SNAPC1: variants seen among roughly 807,000 people sequenced by gnomAD.
The protein encoded by SNAPC1 is snRNA-activating protein complex subunit 1.
A neutral mutation model predicts 50.1 loss-of-function variants in SNAPC1; 42 were observed. That is an observed-to-expected ratio of 0.84 (90% CI 0.65 to 1.08). The LOEUF (loss-of-function observed/expected upper bound fraction) is 1.08. SNAPC1 is among the 50% of genes least tolerant of loss of function. SNAPC1 has a pLI of 0.00. For missense variants in SNAPC1, 477 were observed against 427.3 expected, an observed-to-expected ratio of 1.12 and a Z score of -1.02; for synonymous variants, 164 against 144.2, an observed-to-expected ratio of 1.14 and a Z score of -0.98.
rs397740356 is a variant in SNAPC1 at position 61,796,318 on chromosome 14, C to CAA, written c.*1348_*1349dup. 3.0e-4 allele frequency: 39 copies of CAA among 128,062 alleles called. No individual in the cohort carries two copies. Among genetic ancestry groups the CAA allele is most frequent in the South Asian group, 1.0e-3 (4 of 3,952 alleles). The allele number at this position is 128,062 out of a possible 1,614,324, so 7.9% of individuals were successfully genotyped here. A position where few individuals can be genotyped will look rare whatever the true frequency, so the allele number is the denominator to read the frequency against. ...TGGGCAACAGAGTGAGACTTCGTCTCAAAAAAAAAAAAAAGTTTGGGTTGA... is the reference window on the plus strand; with the variant it reads ...TGGGCAACAGAGTGAGACTTCGTCTCAAAAAAAAAAAAAAAAGTTTGGGTTGA... On this transcript the variant is annotated 3_prime_UTR_variant, in exon 10 of 10. Transcript: ENST00000216294.
chr14:61,763,386 T>A (rs1038278032), intron 1 of SNAPC1, among the ~76,000 whole-genome samples: 1 of 152,240 alleles, frequency 6.6e-6, no homozygotes, highest in South Asian at 2.1e-4. Context: ...ACGCTTGAAT[T>A]CTCTGACTTG....
rs2044910026 is a variant in SNAPC1 at position 61,762,420 on chromosome 14, A to AGAGGCGTGCGGGCTTGG, written c.-26_-25insGGGAGGCGTGCGGGCTT. On this transcript the variant is annotated 5_prime_UTR_variant, in exon 1 of 10. Coordinates refer to ENST00000216294, the MANE Select transcript of SNAPC1 (RefSeq NM_003082.4). The stretch of plus-strand genomic sequence containing the variant: ...GGCGACCACCGCTGGCTAGTCCGTT[A>AGAGGCGTGCGGGCTTGG]GAGGCGTGCGGGCTTCGGAGGCGTG... 1 of 1,382,478 alleles carries AGAGGCGTGCGGGCTTGG rather than the reference A, an allele frequency of 7.2e-7. No homozygotes were observed. Among genetic ancestry groups the AGAGGCGTGCGGGCTTGG allele is most frequent in the Admixed American group, 2.0e-5 (1 of 48,964 alleles). 85.6% of individuals were successfully genotyped at this position (1,382,478 alleles called of 1,614,324 possible). A position where few individuals can be genotyped will look rare whatever the true frequency, so the allele number is the denominator to read the frequency against.
chr14:61,769,175 T>C (rs886717429), intron 4 of SNAPC1, among the ~76,000 whole-genome samples: 1 of 151,884 alleles, frequency 6.6e-6, no homozygotes, highest in African/African-American at 2.4e-5. Flanking sequence ...CTGGCCAATA[T>C]GGTGAAATCC....
At chr14:61,792,318 G>C (rs895383200) in intron 8 of SNAPC1, among the ~76,000 whole-genome samples, 1 of 152,142 alleles carries the variant, frequency 6.6e-6, no homozygotes, top group Non-Finnish European at 1.5e-5. Flanking sequence ...AACCTCTAGT[G>C]TTTTTGAAAA....
chr14:61,782,649 C>T (rs2045084813), intron 8 of SNAPC1, among the ~76,000 whole-genome samples: 1 of 152,172 alleles, frequency 6.6e-6, no homozygotes, highest in South Asian at 2.1e-4. Flanking sequence ...ATGGCTCATG[C>T]CTGTAATCCC....
intron 7 of SNAPC1, among the ~76,000 whole-genome samples, chr14:61,781,177 C>T (rs899961001): frequency 2.0e-5 from 3 of 151,958 alleles, no homozygotes; most frequent in Admixed American, 6.6e-5. Context: ...TGGCCGGGTG[C>T]GGTGGCTCAT....
intron 4 of SNAPC1, among the ~76,000 whole-genome samples, chr14:61,769,746 G>C (rs1475732342): frequency 6.6e-6 from 1 of 152,132 alleles, no homozygotes; most frequent in East Asian, 1.9e-4. Flanking sequence ...TGAAAACAGT[G>C]AGTCTATTTT....
chr14:61,770,480 G>A (rs1042150930), intron 4 of SNAPC1, among the ~76,000 whole-genome samples: 2 of 152,208 alleles, frequency 1.3e-5, no homozygotes, highest in South Asian at 2.1e-4. Flanking sequence ...CTGGCCTCAA[G>A]CGATCTGCCT....
At chr14:61,770,481 C>G (rs903260030) in intron 4 of SNAPC1, among the ~76,000 whole-genome samples, 1 of 151,966 alleles carries the variant, frequency 6.6e-6, no homozygotes, top group African/African-American at 2.4e-5. Flanking sequence ...TGGCCTCAAG[C>G]GATCTGCCTG....
chr14:61,779,896 TG>T (rs1343517348), intron 7 of SNAPC1, among the ~76,000 whole-genome samples: 1 of 151,992 alleles, frequency 6.6e-6, no homozygotes, highest in Non-Finnish European at 1.5e-5. Flanking sequence ...TTAGTAGAGT[TG>T]GGGGTTTCTC....
Position 61,778,109 on chromosome 14 carries a change from A to T in SNAPC1, c.731A>T (p.Glu244Val). ...SLKSKTNDGE[E>V]KMEGNSQETE... ...AAGTCAAAAACTAATGATGGAGAAG[A>T]AAAAATGGAAGGAAATTCACAAGAA... The change falls in exon 6 of 10, where the codon GAA (glutamate) becomes GTA (valine). Residue 244 changes from glutamate (E) to valine (V), a missense_variant. Transcript: ENST00000216294. 1 of 1,604,526 alleles carries T rather than the reference A, an allele frequency of 6.2e-7. No individual in the cohort carries two copies. The highest frequency in any genetic ancestry group is 1.1e-5 in the South Asian group (1 of 89,334).
At chr14:61,778,636 T>A (rs1188723239) in intron 6 of SNAPC1, among the ~76,000 whole-genome samples, 1 of 152,218 alleles carries the variant, frequency 6.6e-6, no homozygotes, top group Non-Finnish European at 1.5e-5. Flanking sequence ...GATCTCTAAC[T>A]ATGGGGATGG....
In SNAPC1 at chr14:61,780,203, G is replaced by T. The variant is rs116891818; in HGVS notation, c.825+1293G>T. The stretch of plus-strand genomic sequence containing the variant: ...ATAAGCCCAGCTGCCAATGTTTTGG[G>T]AGCCTACAGAGAGAATCAGCCACGA... On this transcript the variant is annotated intron_variant, in intron 7 of 9. Transcript: ENST00000216294. Among the ~76,000 whole-genome samples, 189 of 152,274 alleles carry T rather than the reference G, an allele frequency of 1.2e-3. 4 individuals carry two copies. Among genetic ancestry groups the T allele is most frequent in the South Asian group, 1.9e-3 (9 of 4,814 alleles).
chr14:61,786,797 T>C (rs1356077181), intron 8 of SNAPC1, among the ~76,000 whole-genome samples: 1 of 152,250 alleles, frequency 6.6e-6, no homozygotes, highest in African/African-American at 2.4e-5. Context: ...TATTCCTTGG[T>C]ATTTACTCAA....
Position 61,766,964 on chromosome 14 carries a change from C to T in SNAPC1, c.217C>T (p.Gln73Ter), listed in dbSNP as rs550803347. 6.2e-7 allele frequency: 1 copy of T among 1,610,096 alleles called. No homozygotes were observed. The highest frequency in any genetic ancestry group is 1.7e-5 in the Admixed American group (1 of 60,006). The stretch of plus-strand genomic sequence containing the variant: ...ATATTTTTTACCTCCATACACCTTC[C>T]AGATCAGAGTTGGTGCTTTGTATCT... Reference protein sequence around the residue: ...WRYFLPPYTFQIRVGALYLLY... With the variant: ...WRYFLPPYTF Residue 73 changes from glutamine (Q) to a stop codon, truncating the protein, a stop_gained, in exon 2 of 10, where the codon CAG (glutamine) becomes TAG (stop). Coordinates refer to ENST00000216294, the MANE Select transcript of SNAPC1 (RefSeq NM_003082.4). LOFTEE classifies it high-confidence loss of function.
intron 9 of SNAPC1, among the ~76,000 whole-genome samples, chr14:61,793,293 G>A (rs1282160496): frequency 1.3e-5 from 2 of 151,932 alleles, no homozygotes; most frequent in African/African-American, 2.4e-5. Flanking sequence ...GGAGTGCGGT[G>A]ACTTGATCAC....
rs1309892149 is a variant in SNAPC1, at chr14:61,778,006, T to C, written c.694-66T>C. On this transcript the variant is annotated intron_variant, in intron 5 of 9. Transcript: ENST00000216294. ...GATTTCTCACCATTCTAAAATTGATTTGCAGTTAATTGAATTGTAAATTTG... is the reference window on the plus strand; with the variant it reads ...GATTTCTCACCATTCTAAAATTGATCTGCAGTTAATTGAATTGTAAATTTG... 4.2e-6 allele frequency: 3 copies of C among 709,830 alleles called. No homozygotes were observed. The East Asian group carries it at 9.0e-5, about 21-fold the overall frequency. 44.0% of individuals were successfully genotyped at this position (709,830 alleles called of 1,614,324 possible).
rs1566585471 is a variant in SNAPC1, at chr14:61,762,446, C to T, written c.-15C>T. On this transcript the variant is annotated 5_prime_UTR_variant, in exon 1 of 10. Transcript: ENST00000216294. ...GAGGCGTGCGGGCTTCGGAGGCGTG[C>T]GGGCTTCGGGTGCCATGGGGACTCC... The T allele has an allele frequency of 1.9e-6, 3 of 1,610,408 alleles. No homozygotes were observed. Among genetic ancestry groups the T allele is most frequent in the Non-Finnish European group, 2.5e-6 (3 of 1,179,378 alleles).
At chr14:61,776,936 C>CT (rs546379578) in intron 5 of SNAPC1, among the ~76,000 whole-genome samples, 2 of 152,272 alleles carry the variant, frequency 1.3e-5, no homozygotes, top group South Asian at 2.1e-4. Flanking sequence ...GCTAGAGAAA[C>CT]TTTTTTTACC....
Sources: gnomAD v4.1 joint callset for allele counts (sites outside exome capture counted in the v4.1 genomes callset) on GRCh38, gnomAD v4.1.1 for gene constraint, MANE v1.5 for transcripts, NCBI Gene and HGNC (gene_info 2026-07-23, HGNC 2026-07-21) for gene names.